Variants in EPS8L3 observed in about 807,000 individuals in gnomAD.
The protein encoded by EPS8L3 is epidermal growth factor receptor kinase substrate 8-like protein 3.
In EPS8L3, 80 loss-of-function variants were observed where a neutral mutation model predicts 88.5. The observed-to-expected ratio is 0.90, with a 90% CI of 0.75 to 1.09. The LOEUF (loss-of-function observed/expected upper bound fraction) is 1.09, where lower values mean the gene tolerates loss of function less well. Ranked by LOEUF, EPS8L3 falls within the 50% of genes least tolerant of loss-of-function variation. The pLI is 0.00. For synonymous variants in EPS8L3, 286 were observed against 291.0 expected (o/e 0.98, Z 0.18); for missense variants, 721 against 735.2 (o/e 0.98, Z 0.22).
intron 16 of EPS8L3, 41 bp downstream of exon 16, chr1:109,751,613 C>T: frequency 1.9e-6 from 3 of 1,613,326 alleles, no homozygotes; most frequent in Non-Finnish European, 2.5e-6. Context: ...CGACCTCCAA[C>T]TCAAGACTTA....
At chr1:109,761,642 A>C (rs1650969331) in intron 2 of EPS8L3, 77 bp downstream of exon 2, 2 of 1,605,700 alleles carry the variant, frequency 1.2e-6, no homozygotes, top group East Asian at 4.5e-5. Flanking sequence ...AGTTGGTGTG[A>C]GGAAGGGGGA....
At chr1:109,756,065 C>T (rs1650255832) in intron 12 of EPS8L3, among the ~76,000 whole-genome samples, 1 of 152,192 alleles carries the variant, frequency 6.6e-6, no homozygotes, top group South Asian at 2.1e-4. Flanking sequence ...AAGGTACGTT[C>T]AGGGGCTCCC....
At position 109,759,052 on chromosome 1, in the gene EPS8L3, G is replaced by A. The variant is rs1425961340; in HGVS notation, c.461+10C>T. On this transcript the variant is annotated intron_variant, in intron 6 of 18. Transcript: ENST00000361965. This position sits in a 1 kb window ranked among gnomAD's most constrained non-coding sequence, Gnocchi z 4.2. Reference sequence around the variant, plus strand: ...AGGCCCCATAGGTGGGCTGGGCAGAGGCTGCCTACCTTTGCTCCAGCTCTT... The same window carrying A: ...AGGCCCCATAGGTGGGCTGGGCAGAAGCTGCCTACCTTTGCTCCAGCTCTT... 1 of 1,594,192 alleles carries A rather than the reference G, an allele frequency of 6.3e-7. No homozygotes were observed. The highest frequency in any genetic ancestry group is 2.3e-5 in the East Asian group (1 of 44,290).
At chr1:109,750,984 G>A (rs756482657) in intron 17 of EPS8L3, among the ~76,000 whole-genome samples, 192 bp from the exon 18 acceptor site, 1 of 152,232 alleles carries the variant, frequency 6.6e-6, no homozygotes, top group South Asian at 2.1e-4. Flanking sequence ...AGATTTGAAA[G>A]AAGTGCTCTG....
At chr1:109,763,013 A>G (rs1007249379) in intron 1 of EPS8L3, among the ~76,000 whole-genome samples, 45 of 152,218 alleles carry the variant, frequency 3.0e-4, no homozygotes, top group African/African-American at 1.0e-3. Context: ...GTGGGTATCC[A>G]CATGTCTACA....
chr1:109,752,735 A>G lies in EPS8L3; in HGVS notation c.1201-15T>C, dbSNP rs1169023374. ...CCTAAGGGTGCCTGTAAGGGACAGAACAGAGAGTGAGTAAGAGCAGGAGGC... is the reference window on the plus strand; with the variant it reads ...CCTAAGGGTGCCTGTAAGGGACAGAGCAGAGAGTGAGTAAGAGCAGGAGGC... On this transcript the variant is annotated splice_polypyrimidine_tract_variant and intron_variant, in intron 13 of 18. Transcript: ENST00000361965. 4 of 1,551,624 alleles carry G rather than the reference A, an allele frequency of 2.6e-6. No homozygotes were observed. The highest frequency in any genetic ancestry group is 3.5e-6 in the Non-Finnish European group (4 of 1,146,726).
chr1:109,753,121 C>T lies in EPS8L3; in HGVS notation c.1196G>A (p.Ser399Asn). 6.2e-7 allele frequency: 1 copy of T among 1,613,292 alleles called. No individual in the cohort carries two copies. The highest frequency in any genetic ancestry group is 8.5e-7 in the Non-Finnish European group (1 of 1,179,544). The change falls in exon 13 of 19, where the codon AGC becomes AAC. Residue 399 changes from serine to asparagine, a missense_variant. By Grantham distance (46) the Ser-to-Asn change is conservative. Transcript: ENST00000361965. Reference sequence around the variant, plus strand: ...TCTATGCCAAGCTCCCCTTACTTGGCTGGAGGGCTCTGGAAGTTGCCAGTC... The same window carrying T: ...TCTATGCCAAGCTCCCCTTACTTGGTTGGAGGGCTCTGGAAGTTGCCAGTC... ...SDDWQLPEPS[S>N]QAPLGYQDPV...
intron 6 of EPS8L3, 94 bp from the exon 7 acceptor site, chr1:109,758,757 A>G: frequency 6.9e-7 from 1 of 1,448,190 alleles, no homozygotes; most frequent in Non-Finnish European, 9.2e-7. Context: ...GGGCACCACC[A>G]CCTCTCTCCA....
intron 12 of EPS8L3, among the ~76,000 whole-genome samples, chr1:109,755,807 C>T (rs894604049): frequency 1.3e-5 from 2 of 152,106 alleles, no homozygotes; most frequent in Non-Finnish European, 2.9e-5. Flanking sequence ...AGTGACAGAG[C>T]GAGACCTTGT....
intron 3 of EPS8L3, among the ~76,000 whole-genome samples, chr1:109,760,899 G>A (rs1176848750): frequency 6.6e-6 from 1 of 152,060 alleles, no homozygotes; most frequent in Non-Finnish European, 1.5e-5. Context: ...CCTTGGTGTC[G>A]ACAGCCCTTC....
chr1:109,754,667 A>G (rs1327430478), intron 12 of EPS8L3, among the ~76,000 whole-genome samples: 1 of 152,240 alleles, frequency 6.6e-6, no homozygotes, highest in Non-Finnish European at 1.5e-5. Context: ...GTTTTGAAAC[A>G]CAAAATGGTG....
chr1:109,760,390 C>G (rs1198772671), intron 3 of EPS8L3, among the ~76,000 whole-genome samples: 1 of 152,106 alleles, frequency 6.6e-6, no homozygotes, highest in African/African-American at 2.4e-5. Context: ...CTGTTATCCA[C>G]TCTCCTTTAG....
rs1472167266 is a variant in EPS8L3 at position 109,758,655 on chromosome 1, A to G, written c.470T>C (p.Leu157Pro). The G allele has an allele frequency of 6.3e-7, 1 of 1,584,656 alleles. No individual in the cohort carries two copies. The highest frequency in any genetic ancestry group is 1.4e-5 in the African/African-American group (1 of 73,710). Residue 157 changes from leucine (L) to proline (P), a missense_variant, in exon 7 of 19, where the codon CTT (leucine) becomes CCT (proline). Transcript: ENST00000361965. ...LEEELEQRPR[L>P]GGLQPGQDRW... Reference sequence around the variant, plus strand: ...GTCCTGGCCTGGCTGAAGGCCTCCAAGTCGAGGTCTGCTGAGGACATGGTA... The same window carrying G: ...GTCCTGGCCTGGCTGAAGGCCTCCAGGTCGAGGTCTGCTGAGGACATGGTA...
At position 109,759,307 on chromosome 1, in the gene EPS8L3, C is replaced by T. The variant is rs1206279803; in HGVS notation, c.336G>A (p.Leu112=). 7 of 1,614,142 alleles carry T rather than the reference C, an allele frequency of 4.3e-6. No homozygotes were observed. Among genetic ancestry groups the T allele is most frequent in the Non-Finnish European group, 5.9e-6 (7 of 1,180,018 alleles). Residue 112 remains leucine (L), a synonymous_variant, in exon 5 of 19, where the codon CTG becomes CTA. Transcript: ENST00000361965. The surrounding 1 kb of genome is among the most constrained non-coding windows in gnomAD (Gnocchi z 4.2). ...ALNTCSYNSI[L]SITVQEPGLP... ...GGCCCGGCTCCTGCACGGTGATGGA[C>T]AGGATGGAGTTGTAGGAACATGTGT... is the stretch of plus-strand genomic sequence containing the variant.
intron 18 of EPS8L3, 46 bp from the exon 19 acceptor site, chr1:109,750,448 A>T: frequency 1.2e-6 from 2 of 1,611,464 alleles, no homozygotes; most frequent in Admixed American, 1.7e-5. Flanking sequence ...CAGGTGAGGG[A>T]TCTGCAGAGC....
rs1650424068 is a variant in EPS8L3, at chr1:109,757,689, G to C, written c.894+113C>G. The C allele has an allele frequency of 2.6e-5, 36 of 1,406,352 alleles. 2 individuals carry two copies. In the South Asian group the frequency reaches 3.7e-4, roughly 15 times the overall value. 87.1% of individuals were successfully genotyped at this position (1,406,352 alleles called of 1,614,324 possible). On this transcript the variant is annotated intron_variant, in intron 10 of 18. Coordinates refer to ENST00000361965, the MANE Select transcript of EPS8L3 (RefSeq NM_133181.4). ...CCCAAGAGGGGAGGGGAGGTTCTAG[G>C]GGGAGTAGATGAAGAAGAAAAAGGC...
chr1:109,750,418 G>T lies in EPS8L3; in HGVS notation c.1771-16C>A. The T allele has an allele frequency of 6.2e-7, 1 of 1,613,556 alleles. No homozygotes were observed. Among genetic ancestry groups the T allele is most frequent in the Non-Finnish European group, 8.5e-7 (1 of 1,179,744 alleles). On this transcript the variant is annotated splice_polypyrimidine_tract_variant and intron_variant, in intron 18 of 18. Transcript: ENST00000361965. Reference sequence around the variant, plus strand: ...AAGGGCTTATCTGAGGAAAGACAAAGATTCAGATGAGGCTGATGGCAGGTG... The same window carrying T: ...AAGGGCTTATCTGAGGAAAGACAAATATTCAGATGAGGCTGATGGCAGGTG...
intron 12 of EPS8L3, among the ~76,000 whole-genome samples, chr1:109,754,607 T>C (rs1557991383): frequency 6.6e-6 from 1 of 152,258 alleles, no homozygotes; most frequent in Non-Finnish European, 1.5e-5. Context: ...TAAAAAATAA[T>C]ATGTGCTAAT....
In EPS8L3 at chr1:109,752,710, C is replaced by T. The variant is rs1177590896; in HGVS notation, c.1211G>A (p.Gly404Glu). The change falls in exon 14 of 19, where the codon GGA becomes GAA. Residue 404 changes from glycine to glutamate, a missense_variant. Gly to Glu is a moderately conservative substitution (Grantham distance 98, BLOSUM62 -2). Transcript: ENST00000361965. ...CCGAAGGGAAACAGGGTCCTGGTAT[C>T]CTAAGGGTGCCTGTAAGGGACAGAA... Reference protein sequence around the residue: ...LPEPSSQAPLGYQDPVSLRRG... With the variant: ...LPEPSSQAPLEYQDPVSLRRG... The T allele has an allele frequency of 1.9e-6, 3 of 1,552,076 alleles. No homozygotes were observed. Among genetic ancestry groups the T allele is most frequent in the Admixed American group, 3.9e-5 (2 of 51,008 alleles).
Sources: allele counts gnomAD v4.1 joint callset (sites outside exome capture counted in the v4.1 genomes callset), GRCh38; gene constraint gnomAD v4.1.1; non-coding constraint Gnocchi (gnomAD v3.1); transcripts MANE v1.5; gene names NCBI Gene and HGNC (gene_info 2026-07-23, HGNC 2026-07-21).